The following CLIC2 variants were observed in gnomAD, a reference collection of about 807,000 sequenced individuals.
CLIC2 encodes chloride intracellular channel protein 2.
CLIC2 carries 9 observed loss-of-function variants against 14.8 expected under a neutral mutation model. That is an observed-to-expected ratio of 0.61 (90% confidence interval 0.37 to 1.06). The LOEUF (loss-of-function observed/expected upper bound fraction) is 1.06, where lower values mean the gene tolerates loss of function less well. CLIC2 is among the 50% of genes least tolerant of loss of function. The probability of loss-of-function intolerance (pLI) is 0.01; values close to 1 mark genes in which losing one functional copy is unlikely to be tolerated. For synonymous variants in CLIC2, 61 were observed against 66.3 expected (o/e 0.92, Z 0.39); for missense variants, 148 against 181.4 (o/e 0.82, Z 1.06).
chrX:155,325,462 C>T (rs1401574006), intron 1 of CLIC2, among the ~76,000 whole-genome samples: 11 of 110,255 alleles, frequency 1.0e-4, no homozygotes, highest in African/African-American at 3.6e-4. Context: ...TTTGCAGAGA[C>T]ATGGATAAAG....
At chrX:155,322,505 T>C (rs1557321794) in intron 1 of CLIC2, among the ~76,000 whole-genome samples, 1 of 111,797 alleles carries the variant, frequency 8.9e-6, no homozygotes, top group East Asian at 2.8e-4. Flanking sequence ...TTGAAACTAA[T>C]GAGAACAAAG....
intron 3 of CLIC2, chrX:155,290,386 C>T: frequency 6.6e-6 from 3 of 453,982 alleles, no homozygotes; most frequent in Non-Finnish European, 1.2e-5. Context: ...TTCCGCTGGG[C>T]CCCTAATTAG....
intron 1 of CLIC2, among the ~76,000 whole-genome samples, chrX:155,315,183 T>C (rs2075090623): frequency 1.8e-5 from 2 of 112,278 alleles, no homozygotes; most frequent in African/African-American, 6.5e-5. Flanking sequence ...CTGAAAACCA[T>C]ATTTGAGGGA....
chrX:155,293,642 T>C, intron 3 of CLIC2, among the ~76,000 whole-genome samples: 1 of 111,755 alleles, frequency 8.9e-6, no homozygotes, highest in Non-Finnish European at 1.9e-5. Context: ...TTAAAAAACA[T>C]AATCCAACTA....
At chrX:155,304,010 A>C (rs1338171268) in intron 1 of CLIC2, among the ~76,000 whole-genome samples, 1 of 105,971 alleles carries the variant, frequency 9.4e-6, no homozygotes, top group Non-Finnish European at 2.0e-5. Flanking sequence ...GGCTGCCCTT[A>C]ACATTTTTTC....
chrX:155,328,650 C>A, intron 1 of CLIC2, among the ~76,000 whole-genome samples: 1 of 110,473 alleles, frequency 9.1e-6, no homozygotes, highest in Non-Finnish European at 1.9e-5. Flanking sequence ...TTTAAAAATC[C>A]TAATATTTAT....
chrX:155,299,680 C>T (rs781944782), intron 1 of CLIC2, among the ~76,000 whole-genome samples: 151 of 106,332 alleles, frequency 1.4e-3, no homozygotes, highest in Non-Finnish European at 2.6e-3. Context: ...CACCCACTAA[C>T]TCGTCATCTA....
chrX:155,328,553 T>C (rs2075146171), intron 1 of CLIC2, among the ~76,000 whole-genome samples: 2 of 111,520 alleles, frequency 1.8e-5, no homozygotes, highest in African/African-American at 3.2e-5. Flanking sequence ...AGAATAAATA[T>C]AGTTAAAATG....
At chrX:155,284,458 C>T (rs2074933995) in intron 3 of CLIC2, among the ~76,000 whole-genome samples, 1 of 110,125 alleles carries the variant, frequency 9.1e-6, no homozygotes, top group East Asian at 2.9e-4. Context: ...GGGGTTTCTC[C>T]ATGTTGGTCA....
At chrX:155,304,970 C>T (rs1271382345) in intron 1 of CLIC2, among the ~76,000 whole-genome samples, 1 of 108,249 alleles carries the variant, frequency 9.2e-6, no homozygotes, top group Non-Finnish European at 1.9e-5. Context: ...GGGAGAACCA[C>T]TGCTCTCTTC....
At chrX:155,317,122 CA>C (rs1206633344) in intron 1 of CLIC2, among the ~76,000 whole-genome samples, 1 of 111,347 alleles carries the variant, frequency 9.0e-6, no homozygotes, top group Non-Finnish European at 1.9e-5. Flanking sequence ...TGAAAGAGCA[CA>C]AATACACAAT....
At chrX:155,280,990 GATATAT>G (rs373277985) in intron 3 of CLIC2, among the ~76,000 whole-genome samples, 4 of 89,918 alleles carry the variant, frequency 4.4e-5, no homozygotes, top group Admixed American at 1.2e-4. Flanking sequence ...GAAATTGTGA[GATATAT>G]ATATATATAT....
intron 3 of CLIC2, among the ~76,000 whole-genome samples, 188 bp from the exon 4 acceptor site, chrX:155,280,256 G>C (rs1471672789): frequency 8.9e-6 from 1 of 112,674 alleles, no homozygotes; most frequent in Non-Finnish European, 1.9e-5. Context: ...AAAGTTCACA[G>C]GGTAATCAGT....
At chrX:155,310,050 G>A (rs1380587635) in intron 1 of CLIC2, among the ~76,000 whole-genome samples, 1 of 112,070 alleles carries the variant, frequency 8.9e-6, no homozygotes, top group Non-Finnish European at 1.9e-5. Flanking sequence ...TACAATGGAG[G>A]GGTACAGACA....
chrX:155,298,640 A>G, intron 3 of CLIC2, 145 bp downstream of exon 3: 1 of 566,891 alleles, frequency 1.8e-6, no homozygotes, highest in Non-Finnish European at 2.9e-6. Context: ...TTGAAGTTGG[A>G]GGGGTATGTT....
Position 155,278,006 on chromosome X carries a change from C to T in CLIC2, c.641G>A (p.Arg214His), listed in dbSNP as rs1032630286. Residue 214 changes from arginine (R) to histidine (H), a missense_variant, in exon 6 of 6, where the codon CGT (arginine) becomes CAT (histidine). Arg to His is a conservative substitution (Grantham distance 29). Coordinates refer to ENST00000369449, the MANE Select transcript of CLIC2 (RefSeq NM_001289.6). ...ACGGGCATAGGCATTGTGGAGATAA[C>T]GCCAGACTCCTGAGAATTCTGCTGG... is the stretch of plus-strand genomic sequence containing the variant. ...DIPAEFSGVW[R>H]YLHNAYAREE... The T allele has an allele frequency of 2.5e-6, 3 of 1,208,898 alleles. No individual in the cohort carries two copies. The highest frequency in any genetic ancestry group is 3.0e-5 in the East Asian group (1 of 33,827).
intron 1 of CLIC2, among the ~76,000 whole-genome samples, chrX:155,316,860 T>C (rs920728807): frequency 1.8e-5 from 2 of 110,685 alleles, no homozygotes; most frequent in Admixed American, 9.7e-5. Flanking sequence ...CTCATCTTTT[T>C]ATATTTTTCT....
intron 3 of CLIC2, among the ~76,000 whole-genome samples, chrX:155,287,153 C>T (rs1440081919): frequency 1.3e-4 from 14 of 111,358 alleles, no homozygotes; most frequent in Admixed American, 3.8e-4. Flanking sequence ...GTATAAGGAA[C>T]GGGTCCAGCT....
chrX:155,283,577 C>T (rs1201564841), intron 3 of CLIC2, among the ~76,000 whole-genome samples: 1 of 111,295 alleles, frequency 9.0e-6, no homozygotes, highest in Non-Finnish European at 1.9e-5. Context: ...CGACAGGCCC[C>T]GGTGTGTGAT....
Sources: allele counts gnomAD v4.1 joint callset (sites outside exome capture counted in the v4.1 genomes callset), GRCh38; gene constraint gnomAD v4.1.1; transcripts MANE v1.5; gene names NCBI Gene and HGNC (gene_info 2026-07-23, HGNC 2026-07-21).